RTKN2: variants seen among roughly 807,000 people sequenced by gnomAD.
RTKN2 encodes the protein rhotekin 2, also known as rhotekin-2.
A neutral mutation model predicts 71.5 loss-of-function variants in RTKN2; 69 were observed. The ratio of observed to expected loss-of-function variants is 0.96; its 90% CI spans 0.79 to 1.18. The LOEUF (loss-of-function observed/expected upper bound fraction) is 1.18. Ranked by LOEUF, RTKN2 falls within the 50% of genes most tolerant of loss-of-function variation. The probability of loss-of-function intolerance (pLI) is 0.00; values close to 1 mark genes in which losing one functional copy is unlikely to be tolerated. For synonymous variants in RTKN2, 236 were observed against 236.5 expected, an observed-to-expected ratio of 1.00 and a Z score of 0.02; for missense variants, 724 against 719.7, an observed-to-expected ratio of 1.01 and a Z score of -0.07.
In RTKN2 at chr10:62,197,988, C is replaced by G; in HGVS notation, c.1750G>C (p.Ala584Pro). 1 of 1,613,992 alleles carries G rather than the reference C, an allele frequency of 6.2e-7. No homozygotes were observed. The highest frequency in any genetic ancestry group is 8.5e-7 in the Non-Finnish European group (1 of 1,179,960). ...TGCCTTGGAGCTGGCACTGGCTTGG[C>G]TTCAAAATTGGTTTTAGTGTCTGTG... is the stretch of plus-strand genomic sequence containing the variant. ...EHTDTKTNFE[A>P]KPVPAPRQKS... is the part of the protein sequence containing the mutation. Residue 584 changes from alanine (A) to proline (P), a missense_variant, in exon 12 of 12, where the codon GCC becomes CCC. Coordinates refer to ENST00000373789, the MANE Select transcript of RTKN2 (RefSeq NM_145307.4).
intron 9 of RTKN2, among the ~76,000 whole-genome samples, chr10:62,212,892 G>C (rs1841691149): frequency 6.6e-6 from 1 of 152,096 alleles, no homozygotes; most frequent in African/African-American, 2.4e-5. Flanking sequence ...CAGGGAGGAA[G>C]ATAACACTCA....
At chr10:62,267,049 G>A (rs1842880793) in intron 1 of RTKN2, among the ~76,000 whole-genome samples, 1 of 152,142 alleles carries the variant, frequency 6.6e-6, no homozygotes, top group African/African-American at 2.4e-5. Context: ...TGTATCAAAG[G>A]AAATACCAAA....
At chr10:62,251,043 T>A (rs1842571208) in intron 2 of RTKN2, among the ~76,000 whole-genome samples, 1 of 152,182 alleles carries the variant, frequency 6.6e-6, no homozygotes, top group South Asian at 2.1e-4. Flanking sequence ...GCTGTACACA[T>A]CACCTGCTCA....
chr10:62,264,976 T>C (rs1258900471), intron 1 of RTKN2, among the ~76,000 whole-genome samples: 1 of 152,108 alleles, frequency 6.6e-6, no homozygotes, highest in Admixed American at 6.6e-5. Context: ...ACAGCCACAT[T>C]AAGGAATCAG....
At chr10:62,249,465 G>A (rs200631694) in intron 2 of RTKN2, among the ~76,000 whole-genome samples, 1 of 151,394 alleles carries the variant, frequency 6.6e-6, no homozygotes, top group East Asian at 1.9e-4. Context: ...TTTTGTGCGT[G>A]GGGGTGGGGG....
At chr10:62,255,517 G>A (rs548641758) in intron 2 of RTKN2, among the ~76,000 whole-genome samples, 1 of 152,280 alleles carries the variant, frequency 6.6e-6, no homozygotes, top group South Asian at 2.1e-4. Flanking sequence ...AGAGAGGATT[G>A]TCCTTCTTTA....
Position 62,195,334 on chromosome 10 carries a change from A to G in RTKN2, c.*2574T>C, listed in dbSNP as rs1841301134. 1.0e-6 allele frequency: 1 copy of G among 984,916 alleles called. No individual in the cohort carries two copies. The highest frequency in any genetic ancestry group is 1.2e-6 in the Non-Finnish European group (1 of 829,554). The allele number at this position is 984,916 out of a possible 1,614,324, so 61.0% of individuals were successfully genotyped here. On this transcript the variant is annotated 3_prime_UTR_variant, in exon 12 of 12. Coordinates refer to ENST00000373789, the MANE Select transcript of RTKN2 (RefSeq NM_145307.4). ...AATGTGAAAGCTCATAAAAAGCTGA[A>G]GCAGCTTTCATATTACATGGCATAT...
At chr10:62,258,493 A>G (rs1842714299) in intron 2 of RTKN2, among the ~76,000 whole-genome samples, 1 of 152,170 alleles carries the variant, frequency 6.6e-6, no homozygotes, top group Admixed American at 6.5e-5. Flanking sequence ...TTATATGATC[A>G]TTTCTATGTC....
Position 62,262,821 on chromosome 10 carries a change from C to G in RTKN2, c.61G>C (p.Asp21His). The G allele has an allele frequency of 6.3e-7, 1 of 1,590,300 alleles. No homozygotes were observed. Among genetic ancestry groups the G allele is most frequent in the South Asian group, 1.1e-5 (1 of 87,566 alleles). ...LRLAGLPTQQ[D>H]CNIQEKIDLE... ...TCTATTTTTTCTTGAATGTTGCAGT[C>G]CTAAAAAAAAAATGCATCTTGAAAA... is the stretch of plus-strand genomic sequence containing the variant. The change falls in exon 2 of 12, where the codon GAC (aspartate) becomes CAC (histidine). Residue 21 changes from aspartate (D) to histidine (H), a missense_variant and splice_region_variant. Physicochemically the swap from Asp to His is moderately conservative, Grantham distance 81. Transcript: ENST00000373789.
chr10:62,184,409 CT>C, intron 8 of RTKN2: 1 of 1,393,780 alleles, frequency 7.2e-7, no homozygotes, highest in South Asian at 1.3e-5. Context: ...AAAAAATCAC[CT>C]TTAGTCACCC....
chr10:62,191,374 G>A (rs1156253093), downstream of RTKN2, among the ~76,000 whole-genome samples: 1 of 152,090 alleles, frequency 6.6e-6, no homozygotes, highest in East Asian at 1.9e-4. Context: ...TGAACTCCTG[G>A]GCTCCAGCAA....
chr10:62,184,284 A>G (rs977785227), exon 9 of RTKN2: 10 of 1,329,540 alleles, frequency 7.5e-6, no homozygotes, highest in African/African-American at 1.5e-5. Context: ...ATTGTATTTT[A>G]AATTTTTCAC....
At chr10:62,256,303 G>T (rs896003277) in intron 2 of RTKN2, among the ~76,000 whole-genome samples, 1 of 152,138 alleles carries the variant, frequency 6.6e-6, no homozygotes, top group Non-Finnish European at 1.5e-5. Flanking sequence ...GATTACAGGC[G>T]TGAGCCACCA....
At chr10:62,248,387 G>C (rs1340641773) in intron 2 of RTKN2, among the ~76,000 whole-genome samples, 1 of 152,124 alleles carries the variant, frequency 6.6e-6, no homozygotes. Flanking sequence ...CAATGAAATT[G>C]TTAAACACTA....
intron 3 of RTKN2, 31 bp from the exon 4 acceptor site, chr10:62,241,226 A>G: frequency 7.0e-7 from 1 of 1,423,948 alleles, no homozygotes; most frequent in Non-Finnish European, 9.8e-7. Context: ...AATGACAAGT[A>G]ATAATTTTGG....
At chr10:62,256,994 T>C (rs1842687968) in intron 2 of RTKN2, among the ~76,000 whole-genome samples, 1 of 152,170 alleles carries the variant, frequency 6.6e-6, no homozygotes, top group African/African-American at 2.4e-5. Flanking sequence ...TTAACTCCTA[T>C]TAAATTCTAA....
chr10:62,192,471 A>C (rs762445137), downstream of RTKN2, among the ~76,000 whole-genome samples: 20 of 152,190 alleles, frequency 1.3e-4, no homozygotes, highest in Non-Finnish European at 1.8e-4. Flanking sequence ...GAAGACGATG[A>C]GATATCACAC....
At chr10:62,264,922 C>A (rs1001718806) in intron 1 of RTKN2, among the ~76,000 whole-genome samples, 1 of 151,644 alleles carries the variant, frequency 6.6e-6, no homozygotes, top group Non-Finnish European at 1.5e-5. Context: ...AATTCCACAG[C>A]AATCTTGAAA....
At chr10:62,239,367 C>T (rs1192233713) in intron 5 of RTKN2, 1 of 221,202 alleles carries the variant, frequency 4.5e-6, no homozygotes, top group Non-Finnish European at 8.8e-6. Context: ...AATAACTGAA[C>T]TATATTTATT....
Sources: allele counts gnomAD v4.1 joint callset (sites outside exome capture counted in the v4.1 genomes callset), GRCh38; gene constraint gnomAD v4.1.1; transcripts MANE v1.5; gene names NCBI Gene and HGNC (gene_info 2026-07-23, HGNC 2026-07-21).